PRKCH: variants seen among roughly 807,000 people sequenced by gnomAD.
The protein encoded by PRKCH is protein kinase C eta, also known as protein kinase C eta type.
In PRKCH, 28 loss-of-function variants were observed where a neutral mutation model predicts 82.5. The ratio of observed to expected loss-of-function variants is 0.34; its 90% CI spans 0.25 to 0.47. The LOEUF (loss-of-function observed/expected upper bound fraction) is 0.47. Ranked by LOEUF, PRKCH falls within the 20% of genes least tolerant of loss-of-function variation. The probability of loss-of-function intolerance (pLI) is 1.00; values close to 1 mark genes in which losing one functional copy is unlikely to be tolerated. For missense variants in PRKCH, 705 were observed against 881.8 expected, an observed-to-expected ratio of 0.80 and a Z score of 2.54; for synonymous variants, 322 against 327.4, an observed-to-expected ratio of 0.98 and a Z score of 0.18.
chr14:61,207,024 TG>T (rs2044530344), intron 1 of PRKCH, among the ~76,000 whole-genome samples: 1 of 142,806 alleles, frequency 7.0e-6, no homozygotes, highest in Non-Finnish European at 1.5e-5. Flanking sequence ...GAGAATCGCT[TG>T]AACCCAGCAG....
At chr14:61,433,016 TTCCC>T (rs1883486466) in intron 2 of PRKCH, among the ~76,000 whole-genome samples, 1 of 136,124 alleles carries the variant, frequency 7.3e-6, no homozygotes, top group Admixed American at 7.6e-5. Flanking sequence ...GTCCTCTAAG[TTCCC>T]TCCCCTCACC....
chr14:61,325,127 T>C (rs995519452), intron 1 of PRKCH, among the ~76,000 whole-genome samples: 1 of 152,208 alleles, frequency 6.6e-6, no homozygotes, highest in African/African-American at 2.4e-5. Context: ...ACTTTAAAAT[T>C]TATATGGAAA....
intron 1 of PRKCH, among the ~76,000 whole-genome samples, chr14:61,235,775 G>T (rs928823813): frequency 1.3e-5 from 2 of 152,080 alleles, no homozygotes; most frequent in African/African-American, 4.8e-5. Context: ...CACAAATCGG[G>T]CAGCCCCAGA....
rs1380327228 is a variant in PRKCH, at chr14:61,280,582, A to T, written c.-19+92914A>T. On this transcript the variant is annotated intron_variant, in intron 1 of 3. Transcript: ENST00000555185. This position sits in a 1 kb window ranked among gnomAD's most constrained non-coding sequence, Gnocchi z 5.0. ...GGCGATGCCGGAGCGGTCGAGCGGC[A>T]CCTCGACGTAGGGCCCGCCGGGCTG... 1 of 1,599,680 alleles carries T rather than the reference A, an allele frequency of 6.3e-7. No individual in the cohort carries two copies.
chr14:61,253,891 A>G (rs1442228029), intron 1 of PRKCH, among the ~76,000 whole-genome samples: 1 of 152,096 alleles, frequency 6.6e-6, no homozygotes, highest in African/African-American at 2.4e-5. Context: ...TAAATGTTCA[A>G]TGAACACAGG....
intron 10 of PRKCH, among the ~76,000 whole-genome samples, chr14:61,519,667 C>T (rs2042877601): frequency 6.6e-6 from 1 of 152,118 alleles, no homozygotes; most frequent in Non-Finnish European, 1.5e-5. Flanking sequence ...ATAGGTCAGC[C>T]TCAGGAACAC....
At chr14:61,199,641 G>A (rs1245506361) in intron 1 of PRKCH, among the ~76,000 whole-genome samples, 1 of 151,822 alleles carries the variant, frequency 6.6e-6, no homozygotes, top group Non-Finnish European at 1.5e-5. Context: ...ACATTTATGA[G>A]GCTTTGATAA....
intron 2 of PRKCH, among the ~76,000 whole-genome samples, chr14:61,423,658 G>A (rs555839832): frequency 5.3e-5 from 8 of 152,246 alleles, no homozygotes; most frequent in Middle Eastern, 3.4e-3. Context: ...AGGAACATAG[G>A]TTTGTTTGTG....
intron 10 of PRKCH, among the ~76,000 whole-genome samples, chr14:61,523,407 G>A (rs771428709): frequency 2.0e-5 from 3 of 152,198 alleles, no homozygotes; most frequent in South Asian, 2.1e-4. Context: ...CAATCTATCC[G>A]GGGGATTGGC....
intron 1 of PRKCH, among the ~76,000 whole-genome samples, chr14:61,367,984 G>T (rs1356743202): frequency 2.0e-5 from 3 of 152,022 alleles, no homozygotes; most frequent in Admixed American, 6.6e-5. Flanking sequence ...AAAGTGCTGG[G>T]ATTACAGGCG....
At chr14:61,404,351 G>C (rs1203602003) in intron 2 of PRKCH, among the ~76,000 whole-genome samples, 1 of 152,124 alleles carries the variant, frequency 6.6e-6, no homozygotes, top group Non-Finnish European at 1.5e-5. Context: ...TAGGATTTTG[G>C]AGAAAATCAG....
intron 1 of PRKCH, among the ~76,000 whole-genome samples, chr14:61,228,477 C>T (rs528429526): frequency 6.6e-6 from 1 of 152,192 alleles, no homozygotes; most frequent in East Asian, 1.9e-4. Flanking sequence ...GATTGGCGAT[C>T]AGAGTTTGTA....
chr14:61,324,122 G>A (rs954805952), intron 1 of PRKCH, among the ~76,000 whole-genome samples: 2 of 152,200 alleles, frequency 1.3e-5, no homozygotes, highest in African/African-American at 4.8e-5. Flanking sequence ...AGGCTCACCA[G>A]GTGATTCCAG....
At chr14:61,348,222 G>A (rs1467528164) in intron 1 of PRKCH, among the ~76,000 whole-genome samples, 1 of 152,184 alleles carries the variant, frequency 6.6e-6, no homozygotes, top group Non-Finnish European at 1.5e-5. Flanking sequence ...CAGAGAGCAG[G>A]GGGCCAGAGA....
intron 1 of PRKCH, among the ~76,000 whole-genome samples, chr14:61,230,261 C>T (rs941669386): frequency 1.3e-5 from 2 of 152,074 alleles, no homozygotes; most frequent in African/African-American, 2.4e-5. Flanking sequence ...CATTCGGACC[C>T]GGGGGTAGAT....
intron 9 of PRKCH, among the ~76,000 whole-genome samples, chr14:61,483,840 G>T (rs553705126): frequency 1.3e-5 from 2 of 152,256 alleles, no homozygotes; most frequent in Non-Finnish European, 2.9e-5. Flanking sequence ...TTGAGCTCAG[G>T]ACTCGAGACC....
intron 1 of PRKCH, among the ~76,000 whole-genome samples, chr14:61,286,265 A>G (rs1017480107): frequency 5.3e-5 from 8 of 152,236 alleles, no homozygotes; most frequent in African/African-American, 1.7e-4. Context: ...TGCGCTCAGA[A>G]AAGTTTTAAA....
At chr14:61,363,611 G>A (rs900154378) in intron 1 of PRKCH, among the ~76,000 whole-genome samples, 4 of 152,148 alleles carry the variant, frequency 2.6e-5, no homozygotes, top group South Asian at 2.1e-4. Context: ...TTTAAAAAGT[G>A]TCCATCTGGC....
intron 1 of PRKCH, among the ~76,000 whole-genome samples, chr14:61,328,547 A>T (rs979072303): frequency 4.6e-5 from 7 of 151,774 alleles, no homozygotes; most frequent in Non-Finnish European, 1.0e-4. Flanking sequence ...ATCTTATGCA[A>T]CTCTTAGTGA....
Sources: allele counts gnomAD v4.1 joint callset (sites outside exome capture counted in the v4.1 genomes callset), GRCh38; gene constraint gnomAD v4.1.1; non-coding constraint Gnocchi (gnomAD v3.1); transcripts MANE v1.5; gene names NCBI Gene and HGNC (gene_info 2026-07-23, HGNC 2026-07-21).